Variants in ST7L observed in about 807,000 individuals in gnomAD.
ST7L encodes the protein suppression of tumorigenicity 7 like.
ST7L carries 57 observed loss-of-function variants against 72.5 expected under a neutral mutation model. That is an observed-to-expected ratio of 0.79 (90% CI 0.64 to 0.98). ST7L has a LOEUF of 0.98. Among genes scored for constraint, ST7L ranks in the 50% least tolerant of loss-of-function variants. The pLI is 0.00. For synonymous variants in ST7L, 221 were observed against 240.9 expected, an observed-to-expected ratio of 0.92 and a Z score of 0.77; for missense variants, 576 against 672.2, an observed-to-expected ratio of 0.86 and a Z score of 1.58.
chr1:112,525,527 A>G lies in ST7L; in HGVS notation c.*486T>C. ...ATTATCTCTGAGCATCTCGGTGGCT[A>G]TTCCTCATTTACTTAAGATGTTTTA... On this transcript the variant is annotated 3_prime_UTR_variant, in exon 15 of 15. Coordinates refer to ENST00000358039, the MANE Select transcript of ST7L (RefSeq NM_017744.5). The G allele has an allele frequency of 6.7e-6, 1 of 148,518 alleles. No individual in the cohort carries two copies. The highest frequency in any genetic ancestry group is 1.5e-5 in the Non-Finnish European group (1 of 66,714). The allele number at this position is 148,518 out of a possible 1,614,324, so 9.2% of individuals were successfully genotyped here.
intron 4 of ST7L, 27 bp downstream of exon 4, chr1:112,600,764 CCTA>C: frequency 6.3e-7 from 1 of 1,590,184 alleles, no homozygotes; most frequent in Non-Finnish European, 8.6e-7. Flanking sequence ...AAACCAATGC[CCTA>C]CTTATACTGA....
intron 6 of ST7L, among the ~76,000 whole-genome samples, chr1:112,585,266 A>C (rs1472308298): frequency 6.6e-6 from 1 of 152,244 alleles, no homozygotes; most frequent in African/African-American, 2.4e-5. Flanking sequence ...TGATTATCTA[A>C]GACGGCACTG....
chr1:112,524,273 C>A lies in ST7L; in HGVS notation c.*1740G>T, dbSNP rs1653079303. On this transcript the variant is annotated 3_prime_UTR_variant, in exon 15 of 15. Transcript: ENST00000358039. ...TAGGATTTTTTTTTCCTCAGTCTTT[C>A]TGAGGTTTTTATTTAAATGCACTCA... The A allele has an allele frequency of 6.6e-6, 1 of 152,492 alleles. No individual in the cohort carries two copies. The highest frequency in any genetic ancestry group is 2.4e-5 in the African/African-American group (1 of 41,392). 9.4% of individuals were successfully genotyped at this position (152,492 alleles called of 1,614,324 possible).
intron 5 of ST7L, among the ~76,000 whole-genome samples, chr1:112,595,435 T>G (rs1468116056): frequency 6.9e-6 from 1 of 145,808 alleles, no homozygotes; most frequent in Non-Finnish European, 1.5e-5. Context: ...TGCTTGGTTG[T>G]TTTTTTAGAT....
chr1:112,602,066 A>G (rs559402639), intron 3 of ST7L, among the ~76,000 whole-genome samples: 1 of 150,820 alleles, frequency 6.6e-6, no homozygotes, highest in South Asian at 2.1e-4. Flanking sequence ...CCTGGGCGAC[A>G]AGAGCAAAAC....
chr1:112,559,042 TTC>T (rs982718438), intron 11 of ST7L, among the ~76,000 whole-genome samples: 21 of 152,342 alleles, frequency 1.4e-4, no homozygotes, highest in African/African-American at 4.8e-4. Flanking sequence ...TCTATTAAAA[TTC>T]TGTTTCATTT....
Position 112,525,663 on chromosome 1 carries a change from G to A in ST7L, c.*350C>T, listed in dbSNP as rs1031664832. ...CTCACTTCCATTCTATGAGTATATC[G>A]ATGGAGCAGCTGGACATTAGAGTTC... On this transcript the variant is annotated 3_prime_UTR_variant, in exon 15 of 15. Transcript: ENST00000358039. 4.3e-5 allele frequency: 8 copies of A among 184,542 alleles called. No homozygotes were observed. The highest frequency in any genetic ancestry group is 4.3e-4 in the South Asian group (3 of 7,050). 11.4% of individuals were successfully genotyped at this position (184,542 alleles called of 1,614,324 possible).
intron 5 of ST7L, among the ~76,000 whole-genome samples, chr1:112,596,696 G>A (rs1006956710): frequency 1.3e-5 from 2 of 151,662 alleles, no homozygotes; most frequent in African/African-American, 4.9e-5. Context: ...AGAGTGCAAT[G>A]GCCCAATCTC....
At chr1:112,572,665 C>T (rs1470164270) in intron 11 of ST7L, among the ~76,000 whole-genome samples, 1 of 151,756 alleles carries the variant, frequency 6.6e-6, no homozygotes, top group Non-Finnish European at 1.5e-5. Flanking sequence ...TGCTTGAGGC[C>T]AGGAGTTCAA....
intron 3 of ST7L, among the ~76,000 whole-genome samples, chr1:112,608,389 AACTG>A (rs1197807360): frequency 1.1e-4 from 17 of 152,286 alleles, no homozygotes; most frequent in Non-Finnish European, 2.1e-4. Context: ...CTCCAAGAAT[AACTG>A]ACCACTCTTT....
downstream of ST7L, among the ~76,000 whole-genome samples, chr1:112,519,944 G>T (rs1652771640): frequency 6.8e-6 from 1 of 147,752 alleles, no homozygotes; most frequent in Middle Eastern, 3.3e-3. Context: ...TGCAATCTTG[G>T]CTCACTGCAG....
Position 112,555,874 on chromosome 1 carries a change from C to A in ST7L, c.1390G>T (p.Glu464Ter). Residue 464 changes from glutamate (E) to a stop codon, truncating the protein, a stop_gained, in exon 12 of 15, where the codon GAA becomes TAA. Transcript: ENST00000358039. LOFTEE classifies it high-confidence loss of function. ...TTTGGAAAAGAATACTTACTGCCTTCCCATGTACACTGTAACAGATTAAGA... is the reference window on the plus strand; with the variant it reads ...TTTGGAAAAGAATACTTACTGCCTTACCATGTACACTGTAACAGATTAAGA... Reference protein sequence around the residue: ...GALNLLQCTWEGTFRMIPYPL... With the variant: ...GALNLLQCTW The A allele has an allele frequency of 6.4e-7, 1 of 1,554,570 alleles. No individual in the cohort carries two copies.
intron 13 of ST7L, among the ~76,000 whole-genome samples, chr1:112,545,756 T>A (rs1656938551): frequency 6.6e-6 from 1 of 152,344 alleles, no homozygotes; most frequent in South Asian, 2.1e-4. Context: ...ATTCTGCCAC[T>A]CATTGCTTAG....
rs1433034450 is a variant in ST7L, at chr1:112,584,014, G to A, written c.814C>T (p.Gln272Ter). 3 of 1,614,006 alleles carry A rather than the reference G, an allele frequency of 1.9e-6. No homozygotes were observed. The highest frequency in any genetic ancestry group is 2.5e-6 in the Non-Finnish European group (3 of 1,180,010). The change falls in exon 7 of 15, where the codon CAG (glutamine) becomes TAG (stop). Residue 272 changes from glutamine to a stop codon, truncating the protein, a stop_gained. Transcript: ENST00000358039. LOFTEE classifies it high-confidence loss of function. ...TGAGGACTTTGGTGCTGGCACTGCT[G>A]TGACTGCCTATAAATTGTTTCTCCT... The part of the protein sequence containing the change: ...KAGETIYRQS[Q>*]QCQHQSPQHE...
chr1:112,555,749 G>A, intron 12 of ST7L, 119 bp downstream of exon 12: 1 of 978,724 alleles, frequency 1.0e-6, no homozygotes, highest in Non-Finnish European at 1.4e-6. Context: ...ATTTCCATTT[G>A]AAACCAATCT....
At chr1:112,604,253 G>A (rs1234407608) in intron 3 of ST7L, among the ~76,000 whole-genome samples, 1 of 152,122 alleles carries the variant, frequency 6.6e-6, no homozygotes, top group African/African-American at 2.4e-5. Context: ...AGGTTGCAGT[G>A]AGCCGAAATG....
intron 5 of ST7L, 29 bp downstream of exon 5, chr1:112,597,942 T>A (rs1666727188): frequency 3.9e-6 from 6 of 1,533,440 alleles, no homozygotes; most frequent in Non-Finnish European, 5.4e-6. Flanking sequence ...ATGATCACTG[T>A]TTATACTATG....
Position 112,618,917 on chromosome 1 carries a change from A to T in ST7L, c.197T>A (p.Leu66Ter). 1 of 1,561,688 alleles carries T rather than the reference A, an allele frequency of 6.4e-7. No individual in the cohort carries two copies. ...AGGTCTGGTCCTCTCACCCGCTGCC[A>T]AATTCTCACACAGCCTCAAAGGGAT... is the stretch of plus-strand genomic sequence containing the variant. ...LRIPLRLCENLAAVTVFLNSL... is the reference protein window; with the variant it reads ...LRIPLRLCEN The change falls in exon 1 of 15, where the codon TTG (leucine) becomes TAG (stop). Residue 66 changes from leucine (L) to a stop codon, truncating the protein, a stop_gained. Coordinates refer to ENST00000358039, the MANE Select transcript of ST7L (RefSeq NM_017744.5). LOFTEE classifies it high-confidence loss of function.
At chr1:112,566,426 T>C (rs762426657) in intron 11 of ST7L, among the ~76,000 whole-genome samples, 1 of 150,974 alleles carries the variant, frequency 6.6e-6, no homozygotes, top group Non-Finnish European at 1.5e-5. Flanking sequence ...GCCTCCCAAG[T>C]AGCTGGGACT....
Sources: allele counts gnomAD v4.1 joint callset (sites outside exome capture counted in the v4.1 genomes callset), GRCh38; gene constraint gnomAD v4.1.1; transcripts MANE v1.5; gene names NCBI Gene and HGNC (gene_info 2026-07-23, HGNC 2026-07-21).